The following EXD2 variants were observed in gnomAD, a reference collection of about 807,000 sequenced individuals.
EXD2 encodes the protein exonuclease 3'-5' domain-containing protein 2.
A neutral mutation model predicts 62.5 loss-of-function variants in EXD2; 40 were observed. The ratio of observed to expected loss-of-function variants is 0.64; its 90% CI spans 0.50 to 0.83. The LOEUF is 0.83. Ranked by LOEUF, EXD2 falls within the 40% of genes least tolerant of loss-of-function variation. The probability of loss-of-function intolerance (pLI) is 0.00; values close to 1 mark genes in which losing one functional copy is unlikely to be tolerated. For synonymous variants in EXD2, 239 were observed against 291.9 expected, an observed-to-expected ratio of 0.82 and a Z score of 1.85; for missense variants, 671 against 761.8, an observed-to-expected ratio of 0.88 and a Z score of 1.40.
chr14:69,234,658 T>C, intron 5 of EXD2, 42 bp from the exon 6 acceptor site: 1 of 1,517,764 alleles, frequency 6.6e-7, no homozygotes, highest in Non-Finnish European at 8.9e-7. Flanking sequence ...TTCTCTCTGG[T>C]TTGCCTTCCA....
At chr14:69,226,471 G>A (rs193098874) in intron 3 of EXD2, among the ~76,000 whole-genome samples, 1 of 152,312 alleles carries the variant, frequency 6.6e-6, no homozygotes, top group African/African-American at 2.4e-5. Flanking sequence ...TAGAGGGCCG[G>A]GCATGGTATC....
In EXD2 at chr14:69,211,139, A is replaced by G. The variant is rs562451591; in HGVS notation, c.333+1336A>G. Among the ~76,000 whole-genome samples the G allele has an allele frequency of 6.6e-5, 10 of 152,274 alleles. No homozygotes were observed. The East Asian group carries it at 1.7e-3, about 26-fold the overall frequency. ...GGTGCTGTTTAATAGCATTTTACCC[A>G]CAGTAGAACTTCTTTCAAAATTGGA... On this transcript the variant is annotated intron_variant, in intron 3 of 9. Coordinates refer to ENST00000685843, the MANE Select transcript of EXD2 (RefSeq NM_001193360.2).
In EXD2 at chr14:69,209,823, TTA is replaced by T; in HGVS notation, c.333+21_333+22del. 1 of 1,276,354 alleles carries T rather than the reference TTA, an allele frequency of 7.8e-7. No individual in the cohort carries two copies. The highest frequency in any genetic ancestry group is 2.1e-5 in the South Asian group (1 of 48,460). The allele number at this position is 1,276,354 out of a possible 1,614,324, so 79.1% of individuals were successfully genotyped here. A position where few individuals can be genotyped will look rare whatever the true frequency, so the allele number is the denominator to read the frequency against. On this transcript the variant is annotated intron_variant, in intron 3 of 9. Transcript: ENST00000685843. Reference sequence around the variant, plus strand: ...GAGTGGGTAAGTTAAAAAGCAAAAGTTAAAAAAAAAAAAAAAAAACAACTTCT... The same window carrying T: ...GAGTGGGTAAGTTAAAAAGCAAAAGTAAAAAAAAAAAAAAAAACAACTTCT...
chr14:69,194,962 T>C (rs963353472), intron 1 of EXD2, among the ~76,000 whole-genome samples: 1 of 152,222 alleles, frequency 6.6e-6, no homozygotes, highest in African/African-American at 2.4e-5. Context: ...CTTACGCCTG[T>C]AATCCCAGCA....
At chr14:69,207,844 G>C (rs2042657377) in intron 2 of EXD2, among the ~76,000 whole-genome samples, 1 of 151,910 alleles carries the variant, frequency 6.6e-6, no homozygotes, top group Non-Finnish European at 1.5e-5. Flanking sequence ...TGTGCCGAAT[G>C]GTTGCTGCTC....
At chr14:69,236,605 A>G in intron 8 of EXD2, 63 bp downstream of exon 8, 1 of 1,607,814 alleles carries the variant, frequency 6.2e-7, no homozygotes, top group Non-Finnish European at 8.5e-7. Context: ...TTGTAGCCAT[A>G]TGCAGAGCCT....
At chr14:69,194,267 T>A (rs192508654) in intron 1 of EXD2, among the ~76,000 whole-genome samples, 133 of 151,880 alleles carry the variant, frequency 8.8e-4, no homozygotes, top group African/African-American at 2.9e-3. Context: ...GCCTCCCAAG[T>A]AGCTGGGACT....
Position 69,237,563 on chromosome 14 carries a change from G to A in EXD2, c.1293-12G>A. 6.2e-7 allele frequency: 1 copy of A among 1,613,482 alleles called. No individual in the cohort carries two copies. The highest frequency in any genetic ancestry group is 8.5e-7 in the Non-Finnish European group (1 of 1,179,434). ...ACTTATGAGCGCTGCTTTCCGGCTG[G>A]GCTTGTTCCAGGAAGAACGTGATTC... On this transcript the variant is annotated splice_polypyrimidine_tract_variant and intron_variant, in intron 8 of 9. Transcript: ENST00000685843.
Position 69,237,823 on chromosome 14 carries a change from G to A in EXD2, c.1541G>A (p.Ser514Asn), listed in dbSNP as rs1344170639. The A allele has an allele frequency of 3.1e-6, 5 of 1,613,676 alleles. No homozygotes were observed. Among genetic ancestry groups the A allele is most frequent in the African/African-American group, 1.3e-5 (1 of 75,040 alleles). The stretch of plus-strand genomic sequence containing the variant: ...GCCAGGGCCCTGCTCAACGCGGAGA[G>A]CCTGCCTACTCAGCGAAAGGAGGAG... ...SGARALLNAE[S>N]LPTQRKEELL... Residue 514 changes from serine (S) to asparagine (N), a missense_variant, in exon 9 of 10, where the codon AGC (serine) becomes AAC (asparagine). Ser to Asn is a conservative substitution (Grantham distance 46). Transcript: ENST00000685843.
intron 9 of EXD2, among the ~76,000 whole-genome samples, chr14:69,239,765 C>T (rs372021993): frequency 6.6e-6 from 1 of 152,154 alleles, no homozygotes; most frequent in Admixed American, 6.5e-5. Flanking sequence ...CCACACACGG[C>T]TAATTTTTGT....
At chr14:69,220,263 T>TTG (rs1174788816) in intron 3 of EXD2, among the ~76,000 whole-genome samples, 10 of 84,004 alleles carry the variant, frequency 1.2e-4, no homozygotes, top group African/African-American at 5.0e-4. Flanking sequence ...GTTTTTTTTT[T>TTG]TTTTTTTTTT....
At chr14:69,211,302 C>T (rs2042798312) in intron 3 of EXD2, among the ~76,000 whole-genome samples, 1 of 151,860 alleles carries the variant, frequency 6.6e-6, no homozygotes, top group Non-Finnish European at 1.5e-5. Flanking sequence ...TTTCTTTGCT[C>T]ATCCATAAAA....
chr14:69,222,202 G>C (rs1395652893), intron 3 of EXD2, among the ~76,000 whole-genome samples: 1 of 151,396 alleles, frequency 6.6e-6, no homozygotes, highest in African/African-American at 2.4e-5. Flanking sequence ...TTGCTTACTT[G>C]TGCTTCTTTT....
At position 69,243,017 on chromosome 14, in the gene EXD2, GA is replaced by G. The variant is rs1186841983; in HGVS notation, c.*1920del. The G allele has an allele frequency of 6.6e-6, 1 of 152,198 alleles. No individual in the cohort carries two copies. The highest frequency in any genetic ancestry group is 2.4e-5 in the African/African-American group (1 of 41,446). The allele number at this position is 152,198 out of a possible 1,614,324, so 9.4% of individuals were successfully genotyped here. A position where few individuals can be genotyped will look rare whatever the true frequency, so the allele number is the denominator to read the frequency against. On this transcript the variant is annotated 3_prime_UTR_variant, in exon 10 of 10. Coordinates refer to ENST00000685843, the MANE Select transcript of EXD2 (RefSeq NM_001193360.2). ...ACTTAAGGTCATTTAAGGTGCTAGGGAAAGGGTTTTCCCATGGAGCTTTCTG... is the reference window on the plus strand; with the variant it reads ...ACTTAAGGTCATTTAAGGTGCTAGGGAAGGGTTTTCCCATGGAGCTTTCTG...
At chr14:69,195,855 T>G (rs983634804) in intron 1 of EXD2, among the ~76,000 whole-genome samples, 3 of 152,240 alleles carry the variant, frequency 2.0e-5, no homozygotes, top group Non-Finnish European at 4.4e-5. Flanking sequence ...ACTTCATTCT[T>G]TTTATTACTG....
At chr14:69,200,249 G>A (rs1457645829) in intron 1 of EXD2, among the ~76,000 whole-genome samples, 2 of 152,192 alleles carry the variant, frequency 1.3e-5, no homozygotes, top group Non-Finnish European at 2.9e-5. Flanking sequence ...CATAGTGATA[G>A]AAGGTATAAT....
chr14:69,209,430 G>C lies in EXD2; in HGVS notation c.-41G>C. ...TTTGCCATTTGTTTTGCAGATTGTGGGATTAGTGATATGCTTTTCTAAAGA... is the reference window on the plus strand; with the variant it reads ...TTTGCCATTTGTTTTGCAGATTGTGCGATTAGTGATATGCTTTTCTAAAGA... On this transcript the variant is annotated 5_prime_UTR_variant, in exon 3 of 10. Transcript: ENST00000685843. 7.0e-7 allele frequency: 1 copy of C among 1,423,542 alleles called. No individual in the cohort carries two copies. The highest frequency in any genetic ancestry group is 9.3e-7 in the Non-Finnish European group (1 of 1,075,302). The allele number at this position is 1,423,542 out of a possible 1,614,324, so 88.2% of individuals were successfully genotyped here.
chr14:69,209,975 A>G lies in EXD2; in HGVS notation c.333+172A>G, dbSNP rs2042752722. Reference sequence around the variant, plus strand: ...AGAAGAAGCTGCTGTTCCTCTCAGGATGGCGGAGTGCTTACAATTATGGAT... The same window carrying G: ...AGAAGAAGCTGCTGTTCCTCTCAGGGTGGCGGAGTGCTTACAATTATGGAT... On this transcript the variant is annotated intron_variant, in intron 3 of 9. Coordinates refer to ENST00000685843, the MANE Select transcript of EXD2 (RefSeq NM_001193360.2). 9.6e-6 allele frequency: 5 copies of G among 519,268 alleles called. No individual in the cohort carries two copies. In the South Asian group the frequency reaches 1.4e-4, roughly 15 times the overall value. The allele number at this position is 519,268 out of a possible 1,614,324, so 32.2% of individuals were successfully genotyped here.
At chr14:69,193,060 C>CTTTT (rs1555385968) in intron 1 of EXD2, among the ~76,000 whole-genome samples, 1 of 138,138 alleles carries the variant, frequency 7.2e-6, no homozygotes, top group African/African-American at 2.7e-5. Context: ...TTCTCTCTCT[C>CTTTT]TTTTTTTTTT....
Sources: gnomAD v4.1 joint callset for allele counts (sites outside exome capture counted in the v4.1 genomes callset) on GRCh38, gnomAD v4.1.1 for gene constraint, MANE v1.5 for transcripts, NCBI Gene and HGNC (gene_info 2026-07-23, HGNC 2026-07-21) for gene names.